The following RNF214 variants were observed in gnomAD, a reference collection of about 807,000 sequenced individuals.
The protein encoded by RNF214 is ring finger protein 214.
A neutral mutation model predicts 75.9 loss-of-function variants in RNF214; 25 were observed. The ratio of observed to expected loss-of-function variants is 0.33; its 90% CI spans 0.24 to 0.46. The LOEUF is 0.46. RNF214 is among the 20% of genes least tolerant of loss of function. The pLI, the probability that RNF214 is intolerant of heterozygous loss-of-function variation, is 1.00. For synonymous variants in RNF214, 314 were observed against 308.8 expected (o/e 1.02, Z -0.18); for missense variants, 725 against 857.5 (o/e 0.85, Z 1.93).
chr11:117,256,683 TA>T (rs1474156612), intron 6 of RNF214, among the ~76,000 whole-genome samples: 3 of 152,190 alleles, frequency 2.0e-5, no homozygotes, highest in African/African-American at 7.2e-5. Flanking sequence ...CAGGCTCTCT[TA>T]AGGCTTAGAT....
At chr11:117,276,703 G>A (rs189607106) in intron 6 of RNF214, among the ~76,000 whole-genome samples, 74 of 152,302 alleles carry the variant, frequency 4.9e-4, no homozygotes, top group African/African-American at 1.6e-3. Context: ...AAAACCCAAA[G>A]GAAAAGATTT....
chr11:117,254,984 T>G (rs1361481771), intron 6 of RNF214, among the ~76,000 whole-genome samples: 1 of 152,122 alleles, frequency 6.6e-6, no homozygotes, highest in Non-Finnish European at 1.5e-5. Flanking sequence ...CACACAACTG[T>G]GTGTCTTGGG....
At chr11:117,251,600 T>C (rs1406063759) in intron 6 of RNF214, among the ~76,000 whole-genome samples, 1 of 151,748 alleles carries the variant, frequency 6.6e-6, no homozygotes, top group Non-Finnish European at 1.5e-5. Flanking sequence ...TTTTTCTTGG[T>C]TTGAAATTTT....
intron 6 of RNF214, among the ~76,000 whole-genome samples, chr11:117,262,086 T>G (rs75554903): frequency 6.6e-6 from 1 of 151,446 alleles, no homozygotes; most frequent in Non-Finnish European, 1.5e-5. Flanking sequence ...TTTTTTTTTT[T>G]GAGATACGAG....
At chr11:117,248,126 A>T (rs939470263) in intron 6 of RNF214, among the ~76,000 whole-genome samples, 1 of 151,900 alleles carries the variant, frequency 6.6e-6, no homozygotes, top group African/African-American at 2.4e-5. Context: ...CCCAGGCTGG[A>T]GTGCAGTGGC....
chr11:117,284,954 A>T (rs1428431178), intron 14 of RNF214, 132 bp from the exon 15 acceptor site: 7 of 634,040 alleles, frequency 1.1e-5, no homozygotes, highest in Non-Finnish European at 1.9e-5. Flanking sequence ...GAACAGCAAC[A>T]AAAAAAGCCC....
chr11:117,278,174 C>T (rs1261251405), intron 6 of RNF214, among the ~76,000 whole-genome samples: 10 of 147,362 alleles, frequency 6.8e-5, no homozygotes, highest in Admixed American at 4.7e-4. Context: ...TGTGGTGGCA[C>T]GTGCCTGTAG....
chr11:117,268,044 A>G (rs562174), intron 6 of RNF214, among the ~76,000 whole-genome samples: 1 of 152,246 alleles, frequency 6.6e-6, no homozygotes, highest in Non-Finnish European at 1.5e-5. Flanking sequence ...AGCCAAGCCA[A>G]GGTAACCCTT....
rs544270521 is a variant in RNF214 at position 117,276,943 on chromosome 11, T to G, written c.960-2965T>G. 5.4e-4 allele frequency among the ~76,000 whole-genome samples: 83 copies of G among 152,360 alleles called. 1 individual carries two copies. Among genetic ancestry groups the G allele is most frequent in the Non-Finnish European group, 5.7e-4 (39 of 68,036 alleles). ...TTGACTCTGTAATGTATTTCACATATTTTTATGGTAAGAGCATTCTGACTC... is the reference window on the plus strand; with the variant it reads ...TTGACTCTGTAATGTATTTCACATAGTTTTATGGTAAGAGCATTCTGACTC... On this transcript the variant is annotated intron_variant, in intron 6 of 14. Coordinates refer to ENST00000300650, the MANE Select transcript of RNF214 (RefSeq NM_207343.4).
At chr11:117,274,302 C>G (rs2033966704) in intron 6 of RNF214, among the ~76,000 whole-genome samples, 1 of 148,446 alleles carries the variant, frequency 6.7e-6, no homozygotes, top group African/African-American at 2.5e-5. Flanking sequence ...TGCTATCTTA[C>G]TAGATGAAGG....
Position 117,285,585 on chromosome 11 carries a change from A to C in RNF214, c.*434A>C, listed in dbSNP as rs1317785135. 6.5e-6 allele frequency: 1 copy of C among 153,594 alleles called. No homozygotes were observed. Among genetic ancestry groups the C allele is most frequent in the Non-Finnish European group, 1.5e-5 (1 of 68,898 alleles). 9.5% of individuals were successfully genotyped at this position (153,594 alleles called of 1,614,324 possible). ...AAGCCTGGTGCTCACCCACTGTCCA[A>C]CCAGATGCCTTGCTTACCGAAAGCC... On this transcript the variant is annotated 3_prime_UTR_variant, in exon 15 of 15. Transcript: ENST00000300650.
chr11:117,244,339 T>C (rs1273578612), intron 4 of RNF214, 106 bp from the exon 5 acceptor site: 1 of 833,524 alleles, frequency 1.2e-6, no homozygotes, highest in African/African-American at 1.8e-5. Context: ...GCTTCATTAT[T>C]GGATAGTGCG....
Position 117,281,330 on chromosome 11 carries a change from C to A in RNF214, c.1162C>A (p.Leu388Met), listed in dbSNP as rs1319773236. 1.2e-6 allele frequency: 2 copies of A among 1,612,988 alleles called. No individual in the cohort carries two copies. The highest frequency in any genetic ancestry group is 8.5e-7 in the Non-Finnish European group (1 of 1,179,306). Reference protein sequence around the residue: ...LTYLKSTPPTLETVRSKQEWE... With the variant: ...LTYLKSTPPTMETVRSKQEWE... ...TCTTGAAAGGTCAACTCCCCCAACA[C>A]TGGAGACAGTTCGTTCCAAACAGGA... Residue 388 changes from leucine to methionine, a missense_variant, in exon 9 of 15, where the codon CTG (leucine) becomes ATG (methionine). Around this residue, in one of 2 missense-constraint regions of RNF214, gnomAD observed 363 missense variants for 513.0 expected, o/e 0.71. Coordinates refer to ENST00000300650, the MANE Select transcript of RNF214 (RefSeq NM_207343.4).
Position 117,272,459 on chromosome 11 carries a change from G to C in RNF214, c.960-7449G>C, listed in dbSNP as rs2033932354. Among the ~76,000 whole-genome samples the C allele has an allele frequency of 2.6e-5, 4 of 152,246 alleles. No homozygotes were observed. The South Asian group carries it at 8.3e-4, about 32-fold the overall frequency. On this transcript the variant is annotated intron_variant, in intron 6 of 14. Coordinates refer to ENST00000300650, the MANE Select transcript of RNF214 (RefSeq NM_207343.4). Reference sequence around the variant, plus strand: ...TGGGGGGGTAGGGAGGAAGAGGAGGGAGAGCATTAGGACAAATAGCTAATG... The same window carrying C: ...TGGGGGGGTAGGGAGGAAGAGGAGGCAGAGCATTAGGACAAATAGCTAATG...
chr11:117,273,039 A>AT (rs1393043549), intron 6 of RNF214, among the ~76,000 whole-genome samples: 1 of 152,092 alleles, frequency 6.6e-6, no homozygotes, highest in Non-Finnish European at 1.5e-5. Context: ...TATGAAAAAT[A>AT]TTTTTCAGAT....
intron 2 of RNF214, among the ~76,000 whole-genome samples, chr11:117,235,495 C>CTT (rs764468370): frequency 7.8e-4 from 94 of 120,620 alleles, no homozygotes; most frequent in African/African-American, 1.2e-3. Flanking sequence ...CACGCCCAGC[C>CTT]TTTTTTTTTT....
At position 117,285,157 on chromosome 11, in the gene RNF214, C is replaced by G; in HGVS notation, c.*6C>G. On this transcript the variant is annotated 3_prime_UTR_variant, in exon 15 of 15. Transcript: ENST00000300650. ...TTTGTCCAACTCTTAAATGACGGAC[C>G]TGACTGGGGAGGAAGAAGAAGAGAA... 1 of 1,600,166 alleles carries G rather than the reference C, an allele frequency of 6.2e-7. No individual in the cohort carries two copies. The highest frequency in any genetic ancestry group is 8.6e-7 in the Non-Finnish European group (1 of 1,167,304).
intron 6 of RNF214, among the ~76,000 whole-genome samples, chr11:117,276,691 A>G (rs2034022053): frequency 6.6e-6 from 1 of 152,218 alleles, no homozygotes; most frequent in Admixed American, 6.5e-5. Flanking sequence ...TGAATGTGGC[A>G]AAAAACCCAA....
chr11:117,243,261 C>G (rs1184970260), intron 4 of RNF214, among the ~76,000 whole-genome samples: 3 of 152,350 alleles, frequency 2.0e-5, no homozygotes, highest in East Asian at 3.9e-4. Flanking sequence ...ATTCTCCTGC[C>G]TCAGCCTCCC....
Sources: gnomAD v4.1 joint callset for allele counts (sites outside exome capture counted in the v4.1 genomes callset) on GRCh38, gnomAD v4.1.1 for gene constraint, gnomAD v4.1.1 regional missense constraint, MANE v1.5 for transcripts, NCBI Gene and HGNC (gene_info 2026-07-23, HGNC 2026-07-21) for gene names.